The following ZMYND8 variants were observed in gnomAD, a reference collection of about 807,000 sequenced individuals.
The protein encoded by ZMYND8 is zinc finger MYND-type containing 8, also known as MYND-type zinc finger-containing chromatin reader ZMYND8.
In ZMYND8, 37 loss-of-function variants were observed where a neutral mutation model predicts 140.8. The observed-to-expected ratio is 0.26, with a 90% CI of 0.20 to 0.35. The LOEUF is 0.35. ZMYND8 is among the 10% of genes least tolerant of loss of function. The pLI is 1.00. For missense variants in ZMYND8, 1,068 were observed against 1,570.0 expected, an observed-to-expected ratio of 0.68 and a Z score of 5.40; for synonymous variants, 592 against 597.1, an observed-to-expected ratio of 0.99 and a Z score of 0.12.
chr20:47,306,028 T>G (rs2078453629), intron 3 of ZMYND8, among the ~76,000 whole-genome samples: 1 of 152,168 alleles, frequency 6.6e-6, no homozygotes, highest in East Asian at 1.9e-4. Flanking sequence ...ACCAAAGGTC[T>G]TTTAAAAATG....
intron 3 of ZMYND8, among the ~76,000 whole-genome samples, chr20:47,303,166 G>A (rs1322827808): frequency 2.0e-5 from 3 of 152,126 alleles, no homozygotes; most frequent in Non-Finnish European, 2.9e-5. Flanking sequence ...TAGGGGTATG[G>A]GGGTGCTAAA....
At chr20:47,306,430 T>C (rs2078489791) in intron 3 of ZMYND8, among the ~76,000 whole-genome samples, 1 of 151,670 alleles carries the variant, frequency 6.6e-6, no homozygotes, top group African/African-American at 2.4e-5. Flanking sequence ...AAAATAAAAA[T>C]ACAAATAAAA....
intron 2 of ZMYND8, among the ~76,000 whole-genome samples, chr20:47,335,119 C>T (rs1449026627): frequency 6.6e-6 from 1 of 151,838 alleles, no homozygotes; most frequent in Non-Finnish European, 1.5e-5. Flanking sequence ...TGGTAGTGCA[C>T]ACCTGTAGTC....
chr20:47,281,467 G>A (rs1407527948), intron 10 of ZMYND8, among the ~76,000 whole-genome samples: 3 of 152,128 alleles, frequency 2.0e-5, no homozygotes, highest in Admixed American at 1.3e-4. Context: ...GATATTAACC[G>A]CTGCTCATCT....
chr20:47,355,845 C>T (rs1375474701), intron 1 of ZMYND8, among the ~76,000 whole-genome samples: 1 of 150,772 alleles, frequency 6.6e-6, no homozygotes, highest in Admixed American at 6.6e-5. Context: ...CCCCCACCCC[C>T]CAGTCCCCAT....
At chr20:47,226,827 T>C (rs2037778475) in intron 18 of ZMYND8, among the ~76,000 whole-genome samples, 1 of 151,908 alleles carries the variant, frequency 6.6e-6, no homozygotes, top group African/African-American at 2.4e-5. Context: ...GCCCAGGTAA[T>C]GGTTTAAAAT....
At chr20:47,309,252 A>T (rs921299762) in intron 3 of ZMYND8, among the ~76,000 whole-genome samples, 1 of 151,886 alleles carries the variant, frequency 6.6e-6, no homozygotes, top group Non-Finnish European at 1.5e-5. Flanking sequence ...AGGAACTGTG[A>T]CCAATTACCT....
intron 2 of ZMYND8, among the ~76,000 whole-genome samples, chr20:47,313,223 GAAA>G (rs56704156): frequency 0.3 from 38,039 of 125,878 alleles, 7,877 homozygotes; most frequent in African/African-American, 0.61. Flanking sequence ...CACTGTCTCT[GAAA>G]AAAAAAAAAA....
intron 15 of ZMYND8, 169 bp downstream of exon 15, chr20:47,238,589 A>G: frequency 1.5e-6 from 2 of 1,316,596 alleles, no homozygotes; most frequent in Non-Finnish European, 2.1e-6. Flanking sequence ...GCAAGTAGCA[A>G]AACAATTTTT....
intron 3 of ZMYND8, among the ~76,000 whole-genome samples, chr20:47,303,970 C>T (rs2078282900): frequency 6.6e-6 from 1 of 151,980 alleles, no homozygotes; most frequent in Non-Finnish European, 1.5e-5. Flanking sequence ...GGTTAATCTC[C>T]TTATCAATCA....
intron 12 of ZMYND8, among the ~76,000 whole-genome samples, chr20:47,259,693 G>A (rs1170685953): frequency 6.6e-6 from 1 of 152,066 alleles, no homozygotes; most frequent in East Asian, 1.9e-4. Flanking sequence ...CAATGTCCCA[G>A]GGGCCTCACT....
At chr20:47,215,859 T>G (rs1316874518) in intron 21 of ZMYND8, among the ~76,000 whole-genome samples, 3 of 152,310 alleles carry the variant, frequency 2.0e-5, no homozygotes, top group Middle Eastern at 3.4e-3. Flanking sequence ...TAGTGGACAG[T>G]GCAAATATAA....
chr20:47,228,077 A>G (rs1377245827), intron 17 of ZMYND8, among the ~76,000 whole-genome samples: 1 of 149,988 alleles, frequency 6.7e-6, no homozygotes, highest in African/African-American at 2.5e-5. Flanking sequence ...TGGGTGACAG[A>G]GCGAGACTCT....
intron 12 of ZMYND8, among the ~76,000 whole-genome samples, chr20:47,252,458 G>A (rs1056955538): frequency 6.6e-6 from 1 of 151,922 alleles, no homozygotes; most frequent in Non-Finnish European, 1.5e-5. Flanking sequence ...AGATTCCAGA[G>A]GGAAAAGCCA....
Position 47,333,724 on chromosome 20 carries a change from C to CAA in ZMYND8, c.85+14130_85+14131dup, listed in dbSNP as rs57968979. On this transcript the variant is annotated intron_variant, in intron 2 of 22. Coordinates refer to ENST00000471951, the MANE Select transcript of ZMYND8 (RefSeq NM_001281775.3). ...CTGGTGACAGAGCGAGACTCCGTCT[C>CAA]AAAAAAAAAAAAAAAAAAAAAAAAA... 5.8e-3 allele frequency among the ~76,000 whole-genome samples: 172 copies of CAA among 29,750 alleles called. 10 individuals carry two copies. The highest frequency in any genetic ancestry group is 7.9e-3 in the Admixed American group (14 of 1,772). The allele number at this position is 29,750 out of a possible 152,430, so 19.5% of individuals were successfully genotyped here. A position where few individuals can be genotyped will look rare whatever the true frequency, so the allele number is the denominator to read the frequency against.
chr20:47,295,545 A>G (rs1200592902), intron 4 of ZMYND8, among the ~76,000 whole-genome samples: 1 of 152,260 alleles, frequency 6.6e-6, no homozygotes, highest in Non-Finnish European at 1.5e-5. Context: ...ATTCAATGAC[A>G]TCACTGATGG....
At chr20:47,350,543 G>T (rs545838124) in intron 1 of ZMYND8, among the ~76,000 whole-genome samples, 2 of 151,748 alleles carry the variant, frequency 1.3e-5, no homozygotes, top group Admixed American at 6.6e-5. Context: ...AAAAGTAGGC[G>T]CAAGAAAAGA....
chr20:47,322,840 A>G (rs955926976), intron 2 of ZMYND8, among the ~76,000 whole-genome samples: 7 of 152,144 alleles, frequency 4.6e-5, no homozygotes, highest in African/African-American at 1.4e-4. Context: ...AAAGCCCTTC[A>G]CTGTACAGGT....
At chr20:47,220,222 G>A in intron 21 of ZMYND8, 36 bp downstream of exon 21, 6 of 1,527,200 alleles carry the variant, frequency 3.9e-6, no homozygotes, top group Non-Finnish European at 5.3e-6. Flanking sequence ...CATCTGAAAT[G>A]TGAAAGCACC....
Sources: gnomAD v4.1 joint callset for allele counts (sites outside exome capture counted in the v4.1 genomes callset) on GRCh38, gnomAD v4.1.1 for gene constraint, MANE v1.5 for transcripts, NCBI Gene and HGNC (gene_info 2026-07-23, HGNC 2026-07-21) for gene names.